BLTP1: variants seen among roughly 807,000 people sequenced by gnomAD.
BLTP1 encodes bridge-like lipid transfer protein family member 1.
the BLTP1 span, chr4:122,248,198 G>C: frequency 1.3e-6 from 1 of 782,132 alleles, no homozygotes; most frequent in Non-Finnish European, 1.6e-6. Flanking sequence ...GACTACCTAA[G>C]ATCTGTAGTC....
chr4:122,162,497 G>A, the BLTP1 span: 1 of 985,306 alleles, frequency 1.0e-6, no homozygotes, highest in Non-Finnish European at 1.2e-6. Flanking sequence ...TGGGAAAATT[G>A]TAATCAACCA....
At chr4:122,275,032 G>A in the BLTP1 span, among the ~76,000 whole-genome samples, 1 of 151,966 alleles carries the variant, frequency 6.6e-6, no homozygotes, top group Non-Finnish European at 1.5e-5. Context: ...TCTGAGGTTC[G>A]GTTTGGACCT....
chr4:122,155,642 A>G, the BLTP1 span, among the ~76,000 whole-genome samples: 1 of 152,058 alleles, frequency 6.6e-6, no homozygotes, highest in Non-Finnish European at 1.5e-5. Flanking sequence ...ATTTTTGTAG[A>G]CTTAATTTTA....
the BLTP1 span, among the ~76,000 whole-genome samples, chr4:122,323,786 C>T: frequency 1.3e-4 from 20 of 152,128 alleles, no homozygotes; most frequent in South Asian, 3.7e-3. Flanking sequence ...TGGTAATTGA[C>T]TGTTAAAAAT....
chr4:122,246,174 G>T, the BLTP1 span: 1 of 1,588,126 alleles, frequency 6.3e-7, no homozygotes, highest in Non-Finnish European at 8.5e-7. Flanking sequence ...CAAGACATTA[G>T]AGGAACAAAA....
At chr4:122,187,252 A>G in the BLTP1 span, 2,175 of 981,162 alleles carry the variant, frequency 2.2e-3, 5 homozygotes, top group Non-Finnish European at 2.5e-3. Flanking sequence ...GCTCCAGTAG[A>G]CAGCTGTAGG....
At chr4:122,279,859 C>G in the BLTP1 span, 1 of 1,614,082 alleles carries the variant, frequency 6.2e-7, no homozygotes, top group Middle Eastern at 1.6e-4. Flanking sequence ...CTGCTGTGTT[C>G]AAAGTAGGAG....
chr4:122,240,221 T>G, the BLTP1 span: 1 of 1,614,136 alleles, frequency 6.2e-7, no homozygotes, highest in Non-Finnish European at 8.5e-7. Context: ...TCCAGGTAAT[T>G]AATTGGTCAG....
chr4:122,350,523 C>A, the BLTP1 span: 1 of 269,176 alleles, frequency 3.7e-6, no homozygotes, highest in Non-Finnish European at 5.7e-6. Context: ...GAATCACTAC[C>A]CTCATGAAGC....
At chr4:122,193,700 A>G in the BLTP1 span, 9 of 913,700 alleles carry the variant, frequency 9.9e-6, no homozygotes, top group South Asian at 5.1e-5. Flanking sequence ...GCTTTTTTGA[A>G]TAGAGAAATA....
the BLTP1 span, chr4:122,282,012 C>A: frequency 1.0e-6 from 1 of 981,354 alleles, no homozygotes. Context: ...ACTATGGAGG[C>A]CATTTCTCCA....
At chr4:122,250,295 A>G in the BLTP1 span, 99 of 1,463,334 alleles carry the variant, frequency 6.8e-5, no homozygotes, top group South Asian at 9.1e-4. Context: ...TTATACAGAT[A>G]TTGTAGAGTA....
chr4:122,253,534 A>T, the BLTP1 span, among the ~76,000 whole-genome samples: 1 of 152,112 alleles, frequency 6.6e-6, no homozygotes, highest in East Asian at 1.9e-4. Flanking sequence ...GTCTCTTAAC[A>T]GCAAAATTGT....
At chr4:122,281,231 A>T in the BLTP1 span, 1 of 835,042 alleles carries the variant, frequency 1.2e-6, no homozygotes, top group Non-Finnish European at 1.4e-6. Context: ...TGTAATAGTT[A>T]AGTGATAGAA....
At chr4:122,211,954 T>C in the BLTP1 span, 1 of 344,568 alleles carries the variant, frequency 2.9e-6, no homozygotes, top group African/African-American at 2.2e-5. Flanking sequence ...AGAGGAGTTA[T>C]CCAACATCAC....
At chr4:122,252,703 GA>G in the BLTP1 span, among the ~76,000 whole-genome samples, 1 of 152,206 alleles carries the variant, frequency 6.6e-6, no homozygotes, top group Non-Finnish European at 1.5e-5. Flanking sequence ...AGCATCTCTA[GA>G]CCTGCCCAGA....
chr4:122,289,902 C>A, the BLTP1 span: 1 of 573,884 alleles, frequency 1.7e-6, no homozygotes, highest in Non-Finnish European at 2.2e-6. Flanking sequence ...TGCTATGAGT[C>A]TGTGTCATAG....
At chr4:122,280,680 A>AC in the BLTP1 span, among the ~76,000 whole-genome samples, 8 of 151,730 alleles carry the variant, frequency 5.3e-5, no homozygotes, top group African/African-American at 1.9e-4. Context: ...AAAAAAAAAA[A>AC]AACAACCATG....
chr4:122,269,450 T>C, the BLTP1 span: 3 of 985,264 alleles, frequency 3.0e-6, no homozygotes, highest in Non-Finnish European at 3.6e-6. Context: ...GAACTTGACA[T>C]TCCTTTTAAT....
Sources: gnomAD v4.1 joint callset for allele counts (sites outside exome capture counted in the v4.1 genomes callset) on GRCh38, gnomAD v4.1.1 for gene constraint, MANE v1.5 for transcripts, NCBI Gene and HGNC (gene_info 2026-07-23, HGNC 2026-07-21) for gene names.